PCSK5: variants seen among roughly 807,000 people sequenced by gnomAD.
PCSK5 encodes the protein prohormone convertase 5.
In PCSK5, 129 loss-of-function variants were observed where a neutral mutation model predicts 233.2. That is an observed-to-expected ratio of 0.55 (90% CI 0.48 to 0.64). The LOEUF is 0.64. Among genes scored for constraint, PCSK5 ranks in the 30% least tolerant of loss-of-function variants. The probability of loss-of-function intolerance (pLI) is 0.00; values close to 1 mark genes in which losing one functional copy is unlikely to be tolerated. For missense variants in PCSK5, 2,076 were observed against 2,430.1 expected (o/e 0.85, Z 3.06); for synonymous variants, 825 against 879.2 (o/e 0.94, Z 1.09).
intron 2 of PCSK5, among the ~76,000 whole-genome samples, chr9:75,967,963 T>C (rs780972956): frequency 4.6e-5 from 7 of 152,224 alleles, no homozygotes; most frequent in Non-Finnish European, 8.8e-5. Flanking sequence ...GGTTTCTCCA[T>C]GTTGGTCAGG....
At chr9:76,199,935 A>T (rs1411573920) in intron 20 of PCSK5, among the ~76,000 whole-genome samples, 1 of 151,984 alleles carries the variant, frequency 6.6e-6, no homozygotes, top group African/African-American at 2.4e-5. Flanking sequence ...TTACCACCAA[A>T]TCTCTCCCAC....
intron 5 of PCSK5, among the ~76,000 whole-genome samples, chr9:76,067,193 T>C (rs931713983): frequency 1.3e-5 from 2 of 152,214 alleles, no homozygotes; most frequent in African/African-American, 4.8e-5. Context: ...AGCTAAAAGA[T>C]GTCTCTAATC....
chr9:76,159,816 CTTTT>C (rs386415165), intron 12 of PCSK5, among the ~76,000 whole-genome samples: 3 of 97,586 alleles, frequency 3.1e-5, no homozygotes, highest in African/African-American at 4.1e-5. Flanking sequence ...CTCTTCAGTC[CTTTT>C]TTTTTTTTTT....
intron 10 of PCSK5, among the ~76,000 whole-genome samples, chr9:76,142,497 T>C (rs1823267749): frequency 6.6e-6 from 1 of 152,144 alleles, no homozygotes; most frequent in African/African-American, 2.4e-5. Context: ...GAGGCCATCC[T>C]AGCTGGGGTG....
chr9:76,321,339 T>G, intron 30 of PCSK5, 83 bp from the exon 31 acceptor site: 1 of 749,686 alleles, frequency 1.3e-6, no homozygotes. Flanking sequence ...CTTTTGTTTT[T>G]AGACCTAATT....
At chr9:76,208,840 A>T (rs1825220294) in intron 20 of PCSK5, among the ~76,000 whole-genome samples, 1 of 152,174 alleles carries the variant, frequency 6.6e-6, no homozygotes, top group East Asian at 1.9e-4. Context: ...CTGTGATGTG[A>T]ATTTATTTGA....
At chr9:76,117,975 A>G (rs1229557859) in intron 9 of PCSK5, among the ~76,000 whole-genome samples, 1 of 152,116 alleles carries the variant, frequency 6.6e-6, no homozygotes, top group Non-Finnish European at 1.5e-5. Context: ...TGGAGAGAGT[A>G]TGATACAGGA....
At chr9:76,031,244 T>C (rs1331258708) in intron 5 of PCSK5, among the ~76,000 whole-genome samples, 6 of 152,220 alleles carry the variant, frequency 3.9e-5, no homozygotes, top group Non-Finnish European at 8.8e-5. Flanking sequence ...TCTGTTTGGA[T>C]AGTGGCCACC....
chr9:76,033,890 C>T (rs1825064555), intron 5 of PCSK5, among the ~76,000 whole-genome samples: 2 of 152,152 alleles, frequency 1.3e-5, no homozygotes, highest in South Asian at 4.1e-4. Flanking sequence ...AGCCCCACCT[C>T]TTAACACCAA....
intron 37 of PCSK5, among the ~76,000 whole-genome samples, chr9:76,357,678 T>C (rs187315595): frequency 6.6e-6 from 1 of 152,372 alleles, no homozygotes. Flanking sequence ...CTTTAGACTG[T>C]AGCATGGAGC....
intron 5 of PCSK5, among the ~76,000 whole-genome samples, chr9:76,042,776 A>G (rs1248963887): frequency 1.3e-5 from 2 of 152,204 alleles, no homozygotes; most frequent in African/African-American, 4.8e-5. Flanking sequence ...CAAATCTCCA[A>G]CTTACTTATG....
intron 31 of PCSK5, among the ~76,000 whole-genome samples, chr9:76,322,358 G>A (rs1829232796): frequency 6.6e-6 from 1 of 152,146 alleles, no homozygotes; most frequent in African/African-American, 2.4e-5. Context: ...AAAAGTTCGG[G>A]CAACTATGAC....
intron 8 of PCSK5, among the ~76,000 whole-genome samples, chr9:76,101,591 C>G (rs1221212710): frequency 6.6e-6 from 1 of 152,056 alleles, no homozygotes; most frequent in Non-Finnish European, 1.5e-5. Flanking sequence ...ACTTTTTTCC[C>G]CCTAGTAATT....
chr9:76,241,863 C>T (rs1179280586), intron 24 of PCSK5, among the ~76,000 whole-genome samples: 1 of 152,170 alleles, frequency 6.6e-6, no homozygotes, highest in Non-Finnish European at 1.5e-5. Context: ...TAATCAACCA[C>T]TGAAGCTTCT....
chr9:75,972,045 T>G (rs1253923399), intron 2 of PCSK5, among the ~76,000 whole-genome samples: 5 of 152,226 alleles, frequency 3.3e-5, no homozygotes, highest in Admixed American at 6.5e-5. Context: ...TTCTATGAGT[T>G]AATTTTTGTA....
intron 20 of PCSK5, among the ~76,000 whole-genome samples, chr9:76,212,256 T>C (rs1273949237): frequency 2.0e-5 from 3 of 152,150 alleles, no homozygotes; most frequent in African/African-American, 7.2e-5. Context: ...CTGGCAACAA[T>C]GAAAGGCACT....
At chr9:75,904,466 T>G (rs2131210265) in intron 1 of PCSK5, among the ~76,000 whole-genome samples, 1 of 152,246 alleles carries the variant, frequency 6.6e-6, no homozygotes, top group African/African-American at 2.4e-5. Flanking sequence ...CAATTAAAAA[T>G]GGGCACAAAA....
In PCSK5 at chr9:75,992,035, G is replaced by A. The variant is rs114932784; in HGVS notation, c.411+5790G>A. Among the ~76,000 whole-genome samples the A allele has an allele frequency of 4.4e-3, 669 of 152,244 alleles. 6 individuals are homozygous for A. The highest frequency in any genetic ancestry group is 0.015 in the African/African-American group (639 of 41,520). On this transcript the variant is annotated intron_variant, in intron 3 of 37. Coordinates refer to ENST00000674117, the MANE Select transcript of PCSK5 (RefSeq NM_001372043.1). Reference sequence around the variant, plus strand: ...CACTTGAGTCTAGGAGGTCGAGGCTGCAGTGAGCTATGATTGCACCATTAT... The same window carrying A: ...CACTTGAGTCTAGGAGGTCGAGGCTACAGTGAGCTATGATTGCACCATTAT...
rs1554700953 is a variant in PCSK5 at position 76,180,003 on chromosome 9, C to CCT, written c.2003+305_2003+306insCT. 3.7e-5 allele frequency among the ~76,000 whole-genome samples: 5 copies of CCT among 135,984 alleles called. No homozygotes were observed. The East Asian group carries it at 1.1e-3, about 29-fold the overall frequency. The allele number at this position is 135,984 out of a possible 152,430, so 89.2% of individuals were successfully genotyped here. On this transcript the variant is annotated intron_variant, in intron 15 of 37. Transcript: ENST00000674117. ...TAAGCACCTGCCCCTCCAGACCTTT[C>CCT]TTTTTTTTTTTTTTAATTGACAAGT...
Sources: gnomAD v4.1 joint callset for allele counts (sites outside exome capture counted in the v4.1 genomes callset) on GRCh38, gnomAD v4.1.1 for gene constraint, MANE v1.5 for transcripts, NCBI Gene and HGNC (gene_info 2026-07-23, HGNC 2026-07-21) for gene names.